The following RALYL variants were observed in gnomAD, a reference collection of about 807,000 sequenced individuals.
The protein encoded by RALYL is RALY RNA binding protein like.
Under a neutral mutation model 35.1 loss-of-function variants are expected in RALYL, and 29 were observed. The observed-to-expected ratio is 0.83, with a 90% CI of 0.61 to 1.13. The LOEUF is 1.13. Ranked by LOEUF, RALYL falls within the 50% of genes most tolerant of loss-of-function variation. The pLI is 0.00. For synonymous variants in RALYL, 120 were observed against 127.6 expected (o/e 0.94, Z 0.40); for missense variants, 359 against 360.4 (o/e 1.00, Z 0.03).
chr8:84,589,542 TAATG>T (rs1257134914), intron 2 of RALYL, among the ~76,000 whole-genome samples: 1 of 152,228 alleles, frequency 6.6e-6, no homozygotes, highest in Non-Finnish European at 1.5e-5. Flanking sequence ...TATGAAATAT[TAATG>T]AACATAATTC....
intron 2 of RALYL, among the ~76,000 whole-genome samples, chr8:84,698,564 CAT>C (rs1412640506): frequency 6.6e-6 from 1 of 151,820 alleles, no homozygotes; most frequent in African/African-American, 2.4e-5. Flanking sequence ...CCCACTACCA[CAT>C]ATATAAAATA....
chr8:84,708,111 A>G (rs528148222), intron 2 of RALYL, among the ~76,000 whole-genome samples: 3 of 152,234 alleles, frequency 2.0e-5, no homozygotes, highest in African/African-American at 4.8e-5. Flanking sequence ...TTATCCAAAG[A>G]TTTAATATGG....
At chr8:84,686,928 T>C (rs1463852690) in intron 2 of RALYL, among the ~76,000 whole-genome samples, 3 of 152,172 alleles carry the variant, frequency 2.0e-5, no homozygotes, top group Non-Finnish European at 2.9e-5. Flanking sequence ...AAATTTCAAA[T>C]ACTTTCACTC....
intron 7 of RALYL, among the ~76,000 whole-genome samples, chr8:84,884,794 A>G (rs901449079): frequency 1.3e-5 from 2 of 152,136 alleles, no homozygotes; most frequent in Middle Eastern, 3.2e-3. Context: ...GTACAGAATT[A>G]TAAGAATCCC....
chr8:84,801,870 A>C (rs1251901311), intron 3 of RALYL, among the ~76,000 whole-genome samples: 1 of 152,142 alleles, frequency 6.6e-6, no homozygotes. Context: ...TTTCAGGTGA[A>C]TATGTTAGTA....
chr8:84,696,967 T>A (rs2132250045), intron 2 of RALYL, among the ~76,000 whole-genome samples: 1 of 152,132 alleles, frequency 6.6e-6, no homozygotes, highest in South Asian at 2.1e-4. Context: ...TATGTAATGC[T>A]AAATTATACC....
chr8:84,454,536 G>A (rs865972825), intron 1 of RALYL, among the ~76,000 whole-genome samples: 1 of 151,984 alleles, frequency 6.6e-6, no homozygotes, highest in Non-Finnish European at 1.5e-5. Context: ...ATTTGTGTTC[G>A]AGGTGGGGTC....
chr8:84,608,199 C>T (rs1164619035), intron 2 of RALYL, among the ~76,000 whole-genome samples: 2 of 152,106 alleles, frequency 1.3e-5, no homozygotes, highest in African/African-American at 4.8e-5. Context: ...CCTCCAGGAT[C>T]ATTCTCCCAA....
intron 2 of RALYL, among the ~76,000 whole-genome samples, chr8:84,665,298 C>A (rs565049600): frequency 1.4e-5 from 2 of 145,028 alleles, no homozygotes; most frequent in East Asian, 4.0e-4. Context: ...TGTATCTCTA[C>A]CAGGCTTTTT....
intron 2 of RALYL, among the ~76,000 whole-genome samples, chr8:84,655,066 C>T (rs1018588695): frequency 2.0e-5 from 3 of 152,172 alleles, no homozygotes; most frequent in Admixed American, 6.5e-5. Flanking sequence ...CAACAGTGCA[C>T]GAAGTTTTCC....
chr8:84,854,104 G>A (rs960600975), intron 5 of RALYL, among the ~76,000 whole-genome samples: 3 of 152,116 alleles, frequency 2.0e-5, no homozygotes, highest in East Asian at 3.9e-4. Context: ...CCAGCACTTT[G>A]GGAGGCCGAG....
chr8:84,562,509 T>C (rs1016544332), intron 2 of RALYL, among the ~76,000 whole-genome samples: 1 of 151,968 alleles, frequency 6.6e-6, no homozygotes, highest in Admixed American at 6.6e-5. Flanking sequence ...TTCCTTATAG[T>C]TATAATTAGG....
rs373601769 is a variant in RALYL, at chr8:84,369,789, T to C, written c.-23-159510T>C. 1.3e-4 allele frequency among the ~76,000 whole-genome samples: 20 copies of C among 152,288 alleles called. 2 individuals are homozygous for C. The South Asian group carries it at 3.3e-3, about 25-fold the overall frequency. On this transcript the variant is annotated intron_variant, in intron 1 of 8. Coordinates refer to ENST00000521268, the MANE Select transcript of RALYL (RefSeq NM_173848.7). ...GTAGTTATAGGAAAGTGCTCTCCAATTGCAGTATATTAGCCTATAGCAAAC... is the reference window on the plus strand; with the variant it reads ...GTAGTTATAGGAAAGTGCTCTCCAACTGCAGTATATTAGCCTATAGCAAAC...
chr8:84,725,595 A>G (rs1362145240), intron 2 of RALYL, among the ~76,000 whole-genome samples: 1 of 151,752 alleles, frequency 6.6e-6, no homozygotes, highest in Non-Finnish European at 1.5e-5. Flanking sequence ...TAATAACAAT[A>G]ATTTTTATAT....
intron 1 of RALYL, among the ~76,000 whole-genome samples, chr8:84,272,033 A>G (rs1319132788): frequency 6.6e-6 from 1 of 151,996 alleles, no homozygotes; most frequent in African/African-American, 2.4e-5. Flanking sequence ...AGATTCTAAG[A>G]TTATTTTCTG....
At chr8:84,631,087 A>G (rs976772601) in intron 2 of RALYL, among the ~76,000 whole-genome samples, 1 of 152,040 alleles carries the variant, frequency 6.6e-6, no homozygotes, top group Non-Finnish European at 1.5e-5. Flanking sequence ...GAGATTACCA[A>G]CAAGTCCCAA....
At chr8:84,555,200 A>G (rs1027798935) in intron 2 of RALYL, among the ~76,000 whole-genome samples, 9 of 152,010 alleles carry the variant, frequency 5.9e-5, no homozygotes, top group Non-Finnish European at 1.2e-4. Flanking sequence ...AATCGCTTGA[A>G]CCCGGGAGGC....
intron 2 of RALYL, among the ~76,000 whole-genome samples, chr8:84,579,105 C>T (rs939233850): frequency 1.3e-5 from 2 of 152,140 alleles, no homozygotes; most frequent in African/African-American, 4.8e-5. Context: ...GCCTGCAGGC[C>T]CATGCCAAGC....
intron 1 of RALYL, among the ~76,000 whole-genome samples, chr8:84,268,641 A>G (rs1007040298): frequency 6.6e-5 from 10 of 152,234 alleles, no homozygotes; most frequent in African/African-American, 2.4e-4. Context: ...CATTTTCAAT[A>G]TTAATTGGAG....
Sources: gnomAD v4.1 joint callset for allele counts (sites outside exome capture counted in the v4.1 genomes callset) on GRCh38, gnomAD v4.1.1 for gene constraint, MANE v1.5 for transcripts, NCBI Gene and HGNC (gene_info 2026-07-23, HGNC 2026-07-21) for gene names.